The following FAM178B variants were observed in gnomAD, a reference collection of about 807,000 sequenced individuals.
FAM178B encodes the protein protein FAM178B.
A neutral mutation model predicts 91.7 loss-of-function variants in FAM178B; 82 were observed. The observed-to-expected ratio is 0.89, with a 90% confidence interval of 0.75 to 1.07. The LOEUF is 1.07. Ranked by LOEUF, FAM178B falls within the 50% of genes least tolerant of loss-of-function variation. The pLI, the probability that FAM178B is intolerant of heterozygous loss-of-function variation, is 0.00. For synonymous variants in FAM178B, 368 were observed against 359.4 expected (o/e 1.02, Z -0.27); for missense variants, 769 against 846.7 (o/e 0.91, Z 1.14).
intron 7 of FAM178B, chr2:96,950,116 CGCCCCCGGGA>C: frequency 1.0e-6 from 1 of 985,518 alleles, no homozygotes; most frequent in Non-Finnish European, 1.2e-6. Flanking sequence ...GAAACCGACA[CGCCCCCGGGA>C]AGGCACTCCA....
At chr2:96,966,763 A>G (rs1157447681) in intron 5 of FAM178B, among the ~76,000 whole-genome samples, 1 of 152,124 alleles carries the variant, frequency 6.6e-6, no homozygotes, top group East Asian at 1.9e-4. Context: ...GCCTTCATGA[A>G]TAGGATTGGT....
At position 96,949,881 on chromosome 2, in the gene FAM178B, A is replaced by T. The variant is rs1278669424; in HGVS notation, c.993+1498T>A. On this transcript the variant is annotated intron_variant, in intron 7 of 16. Coordinates refer to ENST00000490605, the MANE Select transcript of FAM178B (RefSeq NM_001122646.3). ...GTCCCACTTAACTCCACATGGGCCC[A>T]TCAGGCCTGGCTCCGAGGCACAGAG... is the stretch of plus-strand genomic sequence containing the variant. 12 of 687,206 alleles carry T rather than the reference A, an allele frequency of 1.7e-5. No homozygotes were observed. The African/African-American group carries it at 2.1e-4, about 12-fold the overall frequency. 42.6% of individuals were successfully genotyped at this position (687,206 alleles called of 1,614,324 possible).
chr2:96,986,138 G>A (rs2082420440), intron 1 of FAM178B, 103 bp downstream of exon 1: 5 of 1,512,686 alleles, frequency 3.3e-6, no homozygotes, highest in Non-Finnish European at 4.4e-6. Flanking sequence ...CCGCACCGGG[G>A]CTGACCTGCA....
chr2:96,904,559 T>G (rs1213960926), intron 12 of FAM178B, among the ~76,000 whole-genome samples: 1 of 146,926 alleles, frequency 6.8e-6, no homozygotes, highest in African/African-American at 2.5e-5. Flanking sequence ...TTTTTTTTTT[T>G]TTTTTTGTAT....
At chr2:96,922,574 T>G (rs1331708284) in intron 10 of FAM178B, among the ~76,000 whole-genome samples, 4 of 152,254 alleles carry the variant, frequency 2.6e-5, no homozygotes, top group Non-Finnish European at 4.4e-5. Flanking sequence ...GATCTTGAAC[T>G]CCTAACTGCA....
At chr2:96,953,602 T>C (rs781103669) in intron 6 of FAM178B, among the ~76,000 whole-genome samples, 1 of 152,236 alleles carries the variant, frequency 6.6e-6, no homozygotes, top group African/African-American at 2.4e-5. Context: ...TCTGAGTTCA[T>C]TGCTGCTGAG....
intron 1 of FAM178B, 100 bp downstream of exon 1, chr2:96,986,141 G>T: frequency 6.6e-7 from 1 of 1,515,498 alleles, no homozygotes; most frequent in South Asian, 1.2e-5. Context: ...CACCGGGGCT[G>T]ACCTGCAAGG....
chr2:96,938,306 C>T (rs1397409676), intron 8 of FAM178B, among the ~76,000 whole-genome samples: 5 of 152,166 alleles, frequency 3.3e-5, no homozygotes, highest in Non-Finnish European at 5.9e-5. Context: ...CTGGGCCTCA[C>T]GAGCTACTAA....
chr2:96,981,351 C>T (rs2082357755), intron 1 of FAM178B, among the ~76,000 whole-genome samples: 2 of 152,300 alleles, frequency 1.3e-5, no homozygotes, highest in Admixed American at 1.3e-4. Flanking sequence ...TGCACGTGAA[C>T]ACTCAATCAT....
At chr2:96,940,432 G>A (rs1574279276) in intron 8 of FAM178B, among the ~76,000 whole-genome samples, 1 of 152,170 alleles carries the variant, frequency 6.6e-6, no homozygotes, top group East Asian at 1.9e-4. Flanking sequence ...CAGATCGGGT[G>A]GGGCGAGGAC....
chr2:96,975,824 T>G (rs1040208489), intron 1 of FAM178B, among the ~76,000 whole-genome samples: 6 of 152,184 alleles, frequency 3.9e-5, no homozygotes, highest in African/African-American at 1.4e-4. Flanking sequence ...CTAACTGCAG[T>G]CAATCACAGT....
chr2:96,890,189 C>T (rs1366968363), intron 14 of FAM178B, among the ~76,000 whole-genome samples: 3 of 152,118 alleles, frequency 2.0e-5, no homozygotes, highest in Admixed American at 6.5e-5. Flanking sequence ...GCACGAGAAT[C>T]GCTTGAACCT....
At chr2:96,971,875 G>C (rs1472448575) in intron 3 of FAM178B, 26 bp downstream of exon 3, 2 of 1,446,768 alleles carry the variant, frequency 1.4e-6, no homozygotes, top group East Asian at 5.2e-5. Flanking sequence ...CCAAGGAGAA[G>C]AGGCCAAGGG....
chr2:96,921,355 C>A (rs1415539806), intron 11 of FAM178B, 93 bp from the exon 12 acceptor site: 2 of 1,507,104 alleles, frequency 1.3e-6, no homozygotes, highest in Non-Finnish European at 9.0e-7. Flanking sequence ...AGTGGGCAGT[C>A]ACGGAGATCA....
chr2:96,923,323 G>A (rs189437353), intron 10 of FAM178B, among the ~76,000 whole-genome samples, 167 bp downstream of exon 10: 93 of 152,294 alleles, frequency 6.1e-4, no homozygotes, highest in African/African-American at 2.1e-3. Context: ...ATCAGGACCC[G>A]TGTCCGATAA....
chr2:96,984,695 C>A (rs1379302504), intron 1 of FAM178B, among the ~76,000 whole-genome samples: 1 of 152,228 alleles, frequency 6.6e-6, no homozygotes, highest in African/African-American at 2.4e-5. Flanking sequence ...GCTGTTTCTT[C>A]CCTCTCCCAA....
intron 8 of FAM178B, among the ~76,000 whole-genome samples, chr2:96,931,004 A>C (rs181072732): frequency 2.0e-4 from 31 of 152,312 alleles, no homozygotes; most frequent in Admixed American, 1.2e-3. Flanking sequence ...GTAAGCAATA[A>C]ATTTCCCAGT....
chr2:96,957,025 T>A (rs1398110877), intron 6 of FAM178B, among the ~76,000 whole-genome samples: 1 of 11,566 alleles, frequency 8.6e-5, no homozygotes, highest in Non-Finnish European at 3.4e-4. Flanking sequence ...CATGGCTCAT[T>A]TTTTTTTTGC....
chr2:96,903,277 G>T (rs891632575), intron 12 of FAM178B, among the ~76,000 whole-genome samples: 3 of 152,206 alleles, frequency 2.0e-5, no homozygotes, highest in African/African-American at 7.2e-5. Flanking sequence ...CTGACCTCGT[G>T]ATCCGCTCGC....
Sources: allele counts gnomAD v4.1 joint callset (sites outside exome capture counted in the v4.1 genomes callset), GRCh38; gene constraint gnomAD v4.1.1; transcripts MANE v1.5; gene names NCBI Gene and HGNC (gene_info 2026-07-23, HGNC 2026-07-21).